Variants in DYRK1A observed in about 807,000 individuals in gnomAD.
DYRK1A encodes the protein dual specificity tyrosine phosphorylation regulated kinase 1A.
DYRK1A carries 9 observed loss-of-function variants against 79.7 expected under a neutral mutation model. The ratio of observed to expected loss-of-function variants is 0.11; its 90% CI spans 0.07 to 0.20. The LOEUF (loss-of-function observed/expected upper bound fraction) is 0.20, where lower values mean the gene tolerates loss of function less well. Ranked by LOEUF, DYRK1A falls within the 10% of genes least tolerant of loss-of-function variation. The pLI is 1.00. For synonymous variants in DYRK1A, 349 were observed against 329.7 expected, an observed-to-expected ratio of 1.06 and a Z score of -0.63; for missense variants, 622 against 956.0, an observed-to-expected ratio of 0.65 and a Z score of 4.61.
chr21:37,491,951 T>C (rs961222656), intron 7 of DYRK1A, among the ~76,000 whole-genome samples: 3 of 152,154 alleles, frequency 2.0e-5, no homozygotes, highest in African/African-American at 7.2e-5. Flanking sequence ...TGCCCCTAGA[T>C]CTGTTGGATT....
intron 2 of DYRK1A, among the ~76,000 whole-genome samples, chr21:37,438,008 T>A (rs1012060658): frequency 6.6e-6 from 1 of 152,182 alleles, no homozygotes; most frequent in Admixed American, 6.5e-5. Flanking sequence ...TTTGCCATAT[T>A]TGGTGGTCAG....
At chr21:37,377,474 C>T (rs1271254187) in intron 1 of DYRK1A, among the ~76,000 whole-genome samples, 1 of 151,900 alleles carries the variant, frequency 6.6e-6, no homozygotes, top group Non-Finnish European at 1.5e-5. Flanking sequence ...ACAGAGCTCC[C>T]ATTTTTTAAA....
Position 37,516,434 on chromosome 21 carries a change from T to G in DYRK1A, c.*3903T>G, listed in dbSNP as rs1029551002. On this transcript the variant is annotated 3_prime_UTR_variant, in exon 12 of 12. Transcript: ENST00000647188. ...CCCTGGTTTCTTATCTAGGCCTGTT[T>G]CCTTGCGTGAAAACATACATCACCA... is the stretch of plus-strand genomic sequence containing the variant. The G allele has an allele frequency of 6.6e-6, 1 of 152,332 alleles. No homozygotes were observed. The highest frequency in any genetic ancestry group is 2.4e-5 in the African/African-American group (1 of 41,580). The allele number at this position is 152,332 out of a possible 1,614,324, so 9.4% of individuals were successfully genotyped here.
intron 2 of DYRK1A, among the ~76,000 whole-genome samples, chr21:37,423,287 C>T (rs2050525787): frequency 6.6e-6 from 1 of 152,120 alleles, no homozygotes; most frequent in Admixed American, 6.6e-5. Context: ...TAACTGCTTT[C>T]TGGATGCCTC....
At chr21:37,484,313 T>G (rs1291269235) in intron 5 of DYRK1A, among the ~76,000 whole-genome samples, 2 of 150,244 alleles carry the variant, frequency 1.3e-5, no homozygotes, top group African/African-American at 2.5e-5. Context: ...TTTGGGCAGT[T>G]GCACTCAATA....
chr21:37,379,172 G>A (rs2049608006), intron 1 of DYRK1A, among the ~76,000 whole-genome samples: 1 of 151,996 alleles, frequency 6.6e-6, no homozygotes, highest in South Asian at 2.1e-4. Flanking sequence ...GGGCGATTGA[G>A]GGTTTTTCAG....
chr21:37,422,937 A>G (rs1032521947), intron 2 of DYRK1A, among the ~76,000 whole-genome samples: 2 of 152,140 alleles, frequency 1.3e-5, no homozygotes, highest in African/African-American at 2.4e-5. Context: ...TTTAAAATAC[A>G]GTTAGAACAT....
intron 11 of DYRK1A, 21 bp from the exon 12 acceptor site, chr21:37,511,890 T>C: frequency 6.2e-7 from 1 of 1,601,726 alleles, no homozygotes; most frequent in Non-Finnish European, 8.5e-7. Flanking sequence ...GAAAAATCCT[T>C]TTAAAAATCT....
At chr21:37,479,600 G>GTTTTT (rs1569362052) in intron 4 of DYRK1A, among the ~76,000 whole-genome samples, 1 of 22,794 alleles carries the variant, frequency 4.4e-5, no homozygotes, top group Non-Finnish European at 7.2e-5. Context: ...TTTTGTTTTT[G>GTTTTT]TTTTTGTTTT....
chr21:37,512,215 C>T lies in DYRK1A; in HGVS notation c.1949C>T (p.Ser650Phe). Residue 650 changes from serine to phenylalanine, a missense_variant, in exon 12 of 12, where the codon TCT (serine) becomes TTT (phenylalanine). Transcript: ENST00000647188. ...GHSHHSMTSL[S>F]SSTTSSSTSS... ...AGTCACCACTCCATGACATCCCTGT[C>T]TTCCTCAACGACTTCTTCCTCGACA... 6.2e-7 allele frequency: 1 copy of T among 1,614,224 alleles called. No individual in the cohort carries two copies.
chr21:37,486,899 G>T (rs971640337), intron 6 of DYRK1A: 29 of 222,246 alleles, frequency 1.3e-4, no homozygotes, highest in Admixed American at 2.3e-4. Flanking sequence ...TGCTAATAAT[G>T]ATGCATGTTT....
chr21:37,376,276 A>G (rs1344386338), intron 1 of DYRK1A, among the ~76,000 whole-genome samples: 1 of 152,172 alleles, frequency 6.6e-6, no homozygotes, highest in African/African-American at 2.4e-5. Context: ...TTGGGAGGCC[A>G]AGGCGAGTGG....
At chr21:37,485,445 C>G (rs1052995841) in intron 5 of DYRK1A, among the ~76,000 whole-genome samples, 2 of 152,104 alleles carry the variant, frequency 1.3e-5, no homozygotes, top group Non-Finnish European at 2.9e-5. Flanking sequence ...TTCAGTTGAG[C>G]CATTCAGAAT....
At chr21:37,377,685 T>C (rs1183478344) in intron 1 of DYRK1A, among the ~76,000 whole-genome samples, 3 of 152,156 alleles carry the variant, frequency 2.0e-5, no homozygotes, top group Non-Finnish European at 4.4e-5. Flanking sequence ...CCTAGGCTGG[T>C]CTTGAACTCC....
intron 4 of DYRK1A, among the ~76,000 whole-genome samples, chr21:37,479,619 G>GTTTTTGTTTTTTTTTTTT (rs2052550822): frequency 2.6e-4 from 19 of 73,924 alleles, no homozygotes; most frequent in Admixed American, 4.9e-4. Context: ...TTTGTTTTTT[G>GTTTTTGTTTTTTTTTTTT]TTTTTTTTTT....
At chr21:37,441,888 A>G (rs943000438) in intron 2 of DYRK1A, among the ~76,000 whole-genome samples, 1 of 148,166 alleles carries the variant, frequency 6.7e-6, no homozygotes, top group Admixed American at 6.7e-5. Context: ...TTCTATTAAC[A>G]TTTTTTGTAG....
Position 37,504,882 on chromosome 21 carries a change from G to A in DYRK1A, c.1213-401G>A, listed in dbSNP as rs537097228. On this transcript the variant is annotated intron_variant, in intron 9 of 11. Transcript: ENST00000647188. ...GAGGCTCCCAGCCAGGGTGAGCAGG[G>A]GCATGCATGTTCTCTGTAAAAGATG... 7.6e-4 allele frequency: 125 copies of A among 165,252 alleles called. No individual in the cohort carries two copies. In the Middle Eastern group the frequency reaches 9.6e-3, roughly 13 times the overall value. 10.2% of individuals were successfully genotyped at this position (165,252 alleles called of 1,614,324 possible).
At chr21:37,403,486 G>T (rs1204235802) in intron 1 of DYRK1A, among the ~76,000 whole-genome samples, 1 of 151,822 alleles carries the variant, frequency 6.6e-6, no homozygotes. Context: ...GTCTTGTTCT[G>T]TCACCCAGTC....
chr21:37,476,927 G>C (rs146612451), intron 3 of DYRK1A, among the ~76,000 whole-genome samples: 2 of 150,454 alleles, frequency 1.3e-5, no homozygotes, highest in South Asian at 4.2e-4. Flanking sequence ...ACTTTTTAGA[G>C]TTTGAGTATA....
Sources: gnomAD v4.1 joint callset for allele counts (sites outside exome capture counted in the v4.1 genomes callset) on GRCh38, gnomAD v4.1.1 for gene constraint, MANE v1.5 for transcripts, NCBI Gene and HGNC (gene_info 2026-07-23, HGNC 2026-07-21) for gene names.